The following NCAM2 variants were observed in gnomAD, a reference collection of about 807,000 sequenced individuals.
NCAM2 encodes neural cell adhesion molecule 2.
A neutral mutation model predicts 98.1 loss-of-function variants in NCAM2; 30 were observed. The observed-to-expected ratio is 0.31, with a 90% CI of 0.23 to 0.41. The LOEUF (loss-of-function observed/expected upper bound fraction) is 0.41. NCAM2 is among the 10% of genes least tolerant of loss of function. The probability of loss-of-function intolerance (pLI) is 1.00; values close to 1 mark genes in which losing one functional copy is unlikely to be tolerated. For missense variants in NCAM2, 867 were observed against 1,005.8 expected (o/e 0.86, Z 1.87); for synonymous variants, 368 against 342.4 (o/e 1.07, Z -0.83).
intron 10 of NCAM2, among the ~76,000 whole-genome samples, chr21:21,411,110 A>ATGTGTATATATATATATACATATATATG (rs373718170): frequency 3.7e-5 from 1 of 26,974 alleles, no homozygotes; most frequent in Non-Finnish European, 7.2e-5. Flanking sequence ...ATACATATAT[A>ATGTGTATATATATATATACATATATATG]TGTATATATA....
chr21:21,122,424 T>C (rs552644774), intron 1 of NCAM2, among the ~76,000 whole-genome samples: 6 of 152,290 alleles, frequency 3.9e-5, no homozygotes, highest in African/African-American at 1.4e-4. Context: ...TTTCCCATGA[T>C]GCATTGTCTC....
intron 10 of NCAM2, 54 bp downstream of exon 10, chr21:21,410,515 A>G (rs2076834964): frequency 1.0e-6 from 1 of 979,680 alleles, no homozygotes; most frequent in Non-Finnish European, 1.4e-6. Context: ...ACTATCTACT[A>G]TTTCAGAATA....
chr21:21,293,078 A>G (rs2073353417), intron 5 of NCAM2, among the ~76,000 whole-genome samples: 1 of 151,660 alleles, frequency 6.6e-6, no homozygotes, highest in African/African-American at 2.4e-5. Flanking sequence ...TGATCCAGTC[A>G]CCTCCCACCA....
At chr21:21,279,318 G>T (rs2072842872) in intron 1 of NCAM2, among the ~76,000 whole-genome samples, 1 of 151,994 alleles carries the variant, frequency 6.6e-6, no homozygotes, top group Admixed American at 6.6e-5. Context: ...ACCCTCCTTT[G>T]ATGGTAAATC....
At chr21:21,082,468 T>C (rs2065827276) in intron 1 of NCAM2, among the ~76,000 whole-genome samples, 1 of 152,134 alleles carries the variant, frequency 6.6e-6, no homozygotes, top group Admixed American at 6.5e-5. Context: ...ACCACGATAA[T>C]TAAATTTAGT....
chr21:21,409,757 T>G (rs1356131535), intron 9 of NCAM2, among the ~76,000 whole-genome samples: 1 of 152,224 alleles, frequency 6.6e-6, no homozygotes, highest in African/African-American at 2.4e-5. Context: ...CCTATTAAAT[T>G]ATGTGATAAA....
intron 1 of NCAM2, among the ~76,000 whole-genome samples, chr21:21,158,694 C>T (rs1303699895): frequency 6.6e-6 from 1 of 151,818 alleles, no homozygotes; most frequent in African/African-American, 2.4e-5. Flanking sequence ...CTTAGCATAT[C>T]GCATTACTCA....
In NCAM2 at chr21:21,375,822, G is replaced by A. The variant is rs190389198; in HGVS notation, c.1195+1809G>A. On this transcript the variant is annotated intron_variant, in intron 9 of 17. Transcript: ENST00000400546. ...GCCTCTTCCACTGTCCTACAAAAGT[G>A]CTAGGCTGCTAGGCAACATATTATC... Among the ~76,000 whole-genome samples the A allele has an allele frequency of 2.0e-5, 3 of 151,032 alleles. No individual in the cohort carries two copies. The South Asian group carries it at 6.3e-4, about 31-fold the overall frequency.
rs1568934390 is a variant in NCAM2 at position 21,324,512 on chromosome 21, A to T, written c.737+12A>T. ...ATCTCCTGGTTCAGGTAGGTTATGC[A>T]CCCCCCTCCCTCTGGCTTGTGTCCA... On this transcript the variant is annotated intron_variant, in intron 6 of 17. Coordinates refer to ENST00000400546, the MANE Select transcript of NCAM2 (RefSeq NM_004540.5). The T allele has an allele frequency of 1.3e-6, 2 of 1,553,640 alleles. No homozygotes were observed. The highest frequency in any genetic ancestry group is 8.9e-7 in the Non-Finnish European group (1 of 1,126,180).
intron 1 of NCAM2, among the ~76,000 whole-genome samples, chr21:21,263,397 A>C (rs1332718547): frequency 6.6e-6 from 1 of 152,178 alleles, no homozygotes; most frequent in African/African-American, 2.4e-5. Context: ...TCCCATGCTA[A>C]TGGATAGGAA....
intron 1 of NCAM2, among the ~76,000 whole-genome samples, chr21:21,066,397 A>G (rs62207572): frequency 0.17 from 26,445 of 151,930 alleles, 2,523 homozygotes; most frequent in Non-Finnish European, 0.19. Context: ...ATGACTCTAA[A>G]TGCAGTTTTT....
At chr21:21,286,662 G>A (rs1332541905) in intron 4 of NCAM2, among the ~76,000 whole-genome samples, 1 of 151,750 alleles carries the variant, frequency 6.6e-6, no homozygotes, top group East Asian at 1.9e-4. Flanking sequence ...GTCTGTGGCA[G>A]CTTTGGAGGC....
intron 5 of NCAM2, among the ~76,000 whole-genome samples, chr21:21,297,624 G>A (rs990287802): frequency 1.3e-5 from 2 of 151,376 alleles, no homozygotes; most frequent in Admixed American, 1.3e-4. Context: ...ACACATCATG[G>A]ATACGCTTTT....
chr21:21,516,075 G>A (rs1602540649), intron 16 of NCAM2, among the ~76,000 whole-genome samples: 1 of 152,100 alleles, frequency 6.6e-6, no homozygotes, highest in East Asian at 1.9e-4. Flanking sequence ...AATGGAAGTA[G>A]AAATGACAAA....
At chr21:21,467,498 G>A (rs950512266) in intron 13 of NCAM2, among the ~76,000 whole-genome samples, 22 of 148,438 alleles carry the variant, frequency 1.5e-4, no homozygotes, top group Non-Finnish European at 2.8e-4. Context: ...TCTCTCTATT[G>A]GTAATCATAA....
chr21:21,510,733 C>A (rs1988318149), intron 16 of NCAM2, among the ~76,000 whole-genome samples: 1 of 106,648 alleles, frequency 9.4e-6, no homozygotes, highest in Admixed American at 1.1e-4. Context: ...AAATATATAT[C>A]ATTTTTTACA....
chr21:21,438,238 T>C (rs1015693773), intron 12 of NCAM2, among the ~76,000 whole-genome samples: 3 of 152,152 alleles, frequency 2.0e-5, no homozygotes, highest in Non-Finnish European at 2.9e-5. Flanking sequence ...TTCTAATTGC[T>C]GATGTCACCA....
chr21:21,451,687 T>C (rs940857526), intron 12 of NCAM2, among the ~76,000 whole-genome samples: 3 of 152,158 alleles, frequency 2.0e-5, no homozygotes, highest in African/African-American at 7.2e-5. Context: ...GGAATCCCCC[T>C]TGGTGACAGG....
intron 1 of NCAM2, among the ~76,000 whole-genome samples, chr21:21,086,976 G>T (rs8129356): frequency 1 from 151,980 of 151,980 alleles, 75,990 homozygotes; most frequent in Non-Finnish European, 1. Context: ...CTTTTGATAG[G>T]GATATTGATC....
Sources: allele counts gnomAD v4.1 joint callset (sites outside exome capture counted in the v4.1 genomes callset), GRCh38; gene constraint gnomAD v4.1.1; transcripts MANE v1.5; gene names NCBI Gene and HGNC (gene_info 2026-07-23, HGNC 2026-07-21).